AP4E1: variants seen among roughly 807,000 people sequenced by gnomAD.
The protein encoded by AP4E1 is AP-4 complex subunit epsilon-1.
In AP4E1, 56 loss-of-function variants were observed where a neutral mutation model predicts 128.2. The ratio of observed to expected loss-of-function variants is 0.44; its 90% CI spans 0.35 to 0.55. The LOEUF (loss-of-function observed/expected upper bound fraction) is 0.55. Ranked by LOEUF, AP4E1 falls within the 20% of genes least tolerant of loss-of-function variation. The pLI, the probability that AP4E1 is intolerant of heterozygous loss-of-function variation, is 0.00. For missense variants in AP4E1, 1,324 were observed against 1,307.7 expected (o/e 1.01, Z -0.19); for synonymous variants, 484 against 473.1 (o/e 1.02, Z -0.30).
intron 7 of AP4E1, among the ~76,000 whole-genome samples, chr15:50,931,773 T>C (rs2063839674): frequency 6.6e-6 from 1 of 152,112 alleles, no homozygotes; most frequent in East Asian, 1.9e-4. Flanking sequence ...TATTTCAAAC[T>C]GTAAAATCTC....
At chr15:50,970,113 C>T (rs1180408507) in intron 15 of AP4E1, among the ~76,000 whole-genome samples, 5 of 152,120 alleles carry the variant, frequency 3.3e-5, no homozygotes, top group African/African-American at 1.2e-4. Context: ...TTCCTAGCGC[C>T]TAGTATCCTC....
intron 7 of AP4E1, among the ~76,000 whole-genome samples, chr15:50,931,364 G>A (rs2063833300): frequency 6.6e-6 from 1 of 152,106 alleles, no homozygotes; most frequent in South Asian, 2.1e-4. Context: ...TCAGGAGTTT[G>A]AGACCAGCCT....
intron 10 of AP4E1, chr15:50,945,964 G>C: frequency 7.7e-7 from 1 of 1,293,804 alleles, no homozygotes; most frequent in Non-Finnish European, 1.1e-6. Flanking sequence ...AATTGTGTCA[G>C]AGAAGAAGAA....
At chr15:50,926,174 G>C (rs1460929869) in intron 5 of AP4E1, among the ~76,000 whole-genome samples, 1 of 151,948 alleles carries the variant, frequency 6.6e-6, no homozygotes, top group Non-Finnish European at 1.5e-5. Context: ...GTCTCACTCT[G>C]TTGCCTAGGC....
Position 50,974,394 on chromosome 15 carries a change from G to A in AP4E1, c.1966+6017G>A, listed in dbSNP as rs543617149. 1.6e-4 allele frequency among the ~76,000 whole-genome samples: 24 copies of A among 151,722 alleles called. 1 individual carries two copies. The highest frequency in any genetic ancestry group is 1.5e-3 in the South Asian group (7 of 4,792). ...TGATCCTACTGCCTCAGCTTCCTGA[G>A]TATCTAGGATTCCAGGTGCATGCCA... On this transcript the variant is annotated intron_variant, in intron 15 of 20. Transcript: ENST00000261842.
intron 3 of AP4E1, among the ~76,000 whole-genome samples, chr15:50,916,304 CTG>C (rs2063630306): frequency 6.6e-6 from 1 of 152,154 alleles, no homozygotes; most frequent in South Asian, 2.1e-4. Context: ...TAGAATAAAA[CTG>C]AAATTTATTA....
intron 10 of AP4E1, chr15:50,944,698 A>AT (rs2064034407): frequency 2.0e-6 from 1 of 488,802 alleles, no homozygotes. Flanking sequence ...CTGGACAATT[A>AT]TGTCTGTGAA....
Position 51,002,548 on chromosome 15 carries a change from C to T in AP4E1, c.3300C>T (p.Cys1100=). Residue 1100 remains cysteine, a synonymous_variant, in exon 21 of 21, where the codon TGC becomes TGT. Coordinates refer to ENST00000261842, the MANE Select transcript of AP4E1 (RefSeq NM_007347.5). Reference sequence around the variant, plus strand: ...GTCAGCTGCTCCCATCCATCCCCTGCTTACTGCATTGCCGAGTTCATGCAG... The same window carrying T: ...GTCAGCTGCTCCCATCCATCCCCTGTTTACTGCATTGCCGAGTTCATGCAG... The part of the protein sequence containing the change: ...LACQLLPSIP[C]LLHCRVHADV... The T allele has an allele frequency of 6.2e-7, 1 of 1,614,200 alleles. No individual in the cohort carries two copies. The highest frequency in any genetic ancestry group is 8.5e-7 in the Non-Finnish European group (1 of 1,180,020).
At chr15:50,967,027 T>G (rs951924052) in intron 14 of AP4E1, among the ~76,000 whole-genome samples, 2 of 152,250 alleles carry the variant, frequency 1.3e-5, no homozygotes, top group Non-Finnish European at 2.9e-5. Flanking sequence ...TTTGTTCATC[T>G]CCTTCTTTTC....
At chr15:50,995,980 C>CTTTT (rs1199189475) in intron 17 of AP4E1, among the ~76,000 whole-genome samples, 6 of 91,794 alleles carry the variant, frequency 6.5e-5, no homozygotes, top group Non-Finnish European at 1.0e-4. Context: ...TAATATACAT[C>CTTTT]TTTTTTTTTT....
In AP4E1 at chr15:50,941,490, C is replaced by T. The variant is rs199740395; in HGVS notation, c.992C>T (p.Ser331Leu). 3.5e-5 allele frequency: 57 copies of T among 1,612,856 alleles called. No homozygotes were observed. The highest frequency in any genetic ancestry group is 2.9e-4 in the East Asian group (13 of 44,778). Residue 331 changes from serine to leucine, a missense_variant, in exon 9 of 21, where the codon TCG becomes TTG. Ser to Leu is a moderately radical substitution (Grantham distance 145, BLOSUM62 -2). Transcript: ENST00000261842. The stretch of plus-strand genomic sequence containing the variant: ...ACAGTCTATTCTATTTATCCTAAAT[C>T]GGAATTACTTGAGAAGGCTGCCAAG... ...VHTVYSIYPK[S>L]ELLEKAAKCI...
intron 10 of AP4E1, 105 bp downstream of exon 10, chr15:50,941,880 C>A: frequency 1.2e-6 from 1 of 808,248 alleles, no homozygotes; most frequent in Non-Finnish European, 2.1e-6. Context: ...TATGTTTGCT[C>A]GTGTGTATAT....
rs1265879214 is a variant in AP4E1 at position 50,917,358 on chromosome 15, A to G, written c.346+1787A>G. ...TCTGGTATTTCTTTGCCTCCCTCCC[A>G]TCTTATCTTTTCATCGCATTTCTTT... On this transcript the variant is annotated intron_variant, in intron 3 of 20. Coordinates refer to ENST00000261842, the MANE Select transcript of AP4E1 (RefSeq NM_007347.5). 3.3e-5 allele frequency among the ~76,000 whole-genome samples: 5 copies of G among 152,228 alleles called. No individual in the cohort carries two copies. In the East Asian group the frequency reaches 5.8e-4, roughly 18 times the overall value.
intron 16 of AP4E1, among the ~76,000 whole-genome samples, chr15:50,988,462 C>G (rs2064759910): frequency 6.6e-6 from 1 of 152,010 alleles, no homozygotes; most frequent in South Asian, 2.1e-4. Flanking sequence ...TTACAGGCTC[C>G]TGCCACCATA....
intron 15 of AP4E1, among the ~76,000 whole-genome samples, chr15:50,983,492 A>G (rs886464300): frequency 6.6e-6 from 1 of 152,202 alleles, no homozygotes; most frequent in Non-Finnish European, 1.5e-5. Context: ...CATCTGTCCT[A>G]CCACAGTAAC....
chr15:50,907,701 C>G (rs1278792067), upstream of AP4E1, among the ~76,000 whole-genome samples: 2 of 152,190 alleles, frequency 1.3e-5, no homozygotes, highest in African/African-American at 4.8e-5. Context: ...CGCTTGAAAA[C>G]TCTGTACATT....
chr15:50,925,128 T>A lies in AP4E1; in HGVS notation c.451T>A (p.Cys151Ser). ...DLQSTNLVEV[C>S]MALTVVSQIF... is the part of the protein sequence containing the mutation. ...GCAGAGCACTAACCTAGTAGAAGTG[T>A]GTATGGCACTGACTGTTGTTAGCCA... Residue 151 changes from cysteine (C) to serine (S), a missense_variant, in exon 5 of 21, where the codon TGT becomes AGT. Cys to Ser is a moderately radical substitution (Grantham distance 112). Coordinates refer to ENST00000261842, the MANE Select transcript of AP4E1 (RefSeq NM_007347.5). 1 of 1,614,064 alleles carries A rather than the reference T, an allele frequency of 6.2e-7. No homozygotes were observed. Among genetic ancestry groups the A allele is most frequent in the Non-Finnish European group, 8.5e-7 (1 of 1,179,926 alleles).
intron 15 of AP4E1, among the ~76,000 whole-genome samples, chr15:50,980,222 A>G (rs1251370493): frequency 6.6e-6 from 1 of 152,220 alleles, no homozygotes; most frequent in Non-Finnish European, 1.5e-5. Flanking sequence ...AAAGAGGAAT[A>G]TATCTTGTTG....
Position 50,950,176 on chromosome 15 carries a change from A to G in AP4E1, c.1548+7A>G. 2 of 1,522,092 alleles carry G rather than the reference A, an allele frequency of 1.3e-6. No individual in the cohort carries two copies. Among genetic ancestry groups the G allele is most frequent in the Non-Finnish European group, 1.8e-6 (2 of 1,098,760 alleles). 94.3% of individuals were successfully genotyped at this position (1,522,092 alleles called of 1,614,324 possible). ...TCTTCAAGTTATGAGTTGGGTGAGC[A>G]AAGTACCTTAAATCATAAATTTTTA... On this transcript the variant is annotated splice_region_variant and intron_variant, in intron 13 of 20. Coordinates refer to ENST00000261842, the MANE Select transcript of AP4E1 (RefSeq NM_007347.5).
Sources: allele counts gnomAD v4.1 joint callset (sites outside exome capture counted in the v4.1 genomes callset), GRCh38; gene constraint gnomAD v4.1.1; transcripts MANE v1.5; gene names NCBI Gene and HGNC (gene_info 2026-07-23, HGNC 2026-07-21).